The following NAV2 variants were observed in gnomAD, a reference collection of about 807,000 sequenced individuals.
NAV2 encodes the protein neuron navigator 2.
In NAV2, 54 loss-of-function variants were observed where a neutral mutation model predicts 223.2. The observed-to-expected ratio is 0.24, with a 90% CI of 0.19 to 0.30. NAV2 has a LOEUF of 0.30. Ranked by LOEUF, NAV2 falls within the 10% of genes least tolerant of loss-of-function variation. NAV2 has a pLI of 1.00. For missense variants in NAV2, 2,806 were observed against 3,147.5 expected (o/e 0.89, Z 2.60); for synonymous variants, 1,279 against 1,239.3 (o/e 1.03, Z -0.67).
chr11:19,651,285 A>T (rs78247170), intron 1 of NAV2, among the ~76,000 whole-genome samples: 4 of 152,236 alleles, frequency 2.6e-5, no homozygotes, highest in Admixed American at 2.6e-4. Context: ...CAAGGGTTCT[A>T]TAAGAGCAGA....
At chr11:19,439,962 T>C (rs1447736569) in intron 1 of NAV2, among the ~76,000 whole-genome samples, 2 of 152,180 alleles carry the variant, frequency 1.3e-5, no homozygotes, top group Non-Finnish European at 2.9e-5. Flanking sequence ...TAATTACAAG[T>C]ACAATTTTTA....
At chr11:20,102,172 G>C (rs922962942) in intron 32 of NAV2, among the ~76,000 whole-genome samples, 2 of 152,134 alleles carry the variant, frequency 1.3e-5, no homozygotes, top group Non-Finnish European at 2.9e-5. Context: ...GGCTCCGCAG[G>C]CATGGGGAGC....
intron 1 of NAV2, among the ~76,000 whole-genome samples, chr11:19,520,430 C>T (rs2043611342): frequency 6.6e-6 from 1 of 152,246 alleles, no homozygotes; most frequent in South Asian, 2.1e-4. Flanking sequence ...CCTGTGGGGC[C>T]CACCTGATTG....
intron 1 of NAV2, among the ~76,000 whole-genome samples, chr11:19,724,948 T>G (rs1382326558): frequency 6.6e-6 from 1 of 152,246 alleles, no homozygotes; most frequent in African/African-American, 2.4e-5. Flanking sequence ...GTTGTTGAAC[T>G]GCAGCTTGGA....
In NAV2 at chr11:19,948,931, C is replaced by G. The variant is rs1277119184; in HGVS notation, c.2496C>G (p.Ala832=). 2.5e-6 allele frequency: 4 copies of G among 1,614,164 alleles called. No individual in the cohort carries two copies. Among genetic ancestry groups the G allele is most frequent in the Non-Finnish European group, 3.4e-6 (4 of 1,180,024 alleles). ...CCGCCCCTCTGAGAAGGCAGCTGGC[C>G]TCCCGGGGCAGTAGTGTCTGCCATG... ...VYSAPLRRQL[A]SRGSSVCHVD... The change falls in exon 10 of 38, where the codon GCC becomes GCG. Residue 832 remains alanine (A), a synonymous_variant. Transcript: ENST00000349880.
At chr11:19,395,286 G>C (rs1645977846) in intron 1 of NAV2, among the ~76,000 whole-genome samples, 1 of 152,246 alleles carries the variant, frequency 6.6e-6, no homozygotes, top group Admixed American at 6.5e-5. Flanking sequence ...CCCTCATTGG[G>C]CCCACACATC....
At chr11:19,467,010 C>CACACACACACACAG (rs1564959991) in intron 1 of NAV2, among the ~76,000 whole-genome samples, 30 of 135,998 alleles carry the variant, frequency 2.2e-4, no homozygotes, top group African/African-American at 8.0e-4. Flanking sequence ...CACACACACA[C>CACACACACACACAG]ACACACACAG....
At chr11:19,794,671 T>C (rs2057772119) in intron 1 of NAV2, among the ~76,000 whole-genome samples, 1 of 152,176 alleles carries the variant, frequency 6.6e-6, no homozygotes, top group Admixed American at 6.6e-5. Flanking sequence ...TAATCTTTCC[T>C]GTTATGCCCT....
intron 1 of NAV2, among the ~76,000 whole-genome samples, chr11:19,761,541 A>G (rs1590356897): frequency 6.6e-6 from 1 of 152,198 alleles, no homozygotes; most frequent in African/African-American, 2.4e-5. Flanking sequence ...AATAGCCAAC[A>G]CAAAGGCTCC....
chr11:19,525,189 C>T (rs1315188976), intron 1 of NAV2, among the ~76,000 whole-genome samples: 1 of 152,184 alleles, frequency 6.6e-6, no homozygotes, highest in African/African-American at 2.4e-5. Flanking sequence ...CAACCTGTGT[C>T]ATTGACAGAT....
At chr11:20,046,269 G>A (rs1166319137) in intron 14 of NAV2, among the ~76,000 whole-genome samples, 2 of 151,664 alleles carry the variant, frequency 1.3e-5, no homozygotes, top group Non-Finnish European at 2.9e-5. Context: ...CCAGGAGGCG[G>A]AGGTTGCAGT....
intron 20 of NAV2, among the ~76,000 whole-genome samples, chr11:20,063,318 A>T (rs2058824452): frequency 6.6e-6 from 1 of 152,176 alleles, no homozygotes; most frequent in African/African-American, 2.4e-5. Context: ...ATACATTTAG[A>T]TCTTCAGTAC....
intron 3 of NAV2, among the ~76,000 whole-genome samples, chr11:19,853,556 G>T (rs1391523716): frequency 6.6e-6 from 1 of 152,142 alleles, no homozygotes; most frequent in Non-Finnish European, 1.5e-5. Context: ...TATTTTTTGT[G>T]TGGCCCTAGA....
chr11:19,388,764 G>A (rs1849138408), intron 1 of NAV2, among the ~76,000 whole-genome samples: 1 of 152,128 alleles, frequency 6.6e-6, no homozygotes, highest in African/African-American at 2.4e-5. Flanking sequence ...ATTCACGATA[G>A]CCATAGTTTA....
intron 7 of NAV2, among the ~76,000 whole-genome samples, chr11:19,937,072 A>T (rs2045968665): frequency 6.6e-6 from 1 of 152,162 alleles, no homozygotes; most frequent in Non-Finnish European, 1.5e-5. Context: ...TGGGAAGCGG[A>T]GGTTGCAGTG....
intron 4 of NAV2, among the ~76,000 whole-genome samples, chr11:19,873,032 G>A (rs2062622694): frequency 6.6e-6 from 1 of 152,208 alleles, no homozygotes; most frequent in South Asian, 2.1e-4. Flanking sequence ...TGTGAGGAAG[G>A]ATGGCCTTTA....
At chr11:19,914,309 C>T (rs921121848) in intron 6 of NAV2, among the ~76,000 whole-genome samples, 3 of 152,128 alleles carry the variant, frequency 2.0e-5, no homozygotes, top group African/African-American at 7.2e-5. Flanking sequence ...ACATTACTGT[C>T]GGTCACTATT....
chr11:20,097,322 G>A (rs1366575689), intron 30 of NAV2, among the ~76,000 whole-genome samples: 3 of 152,104 alleles, frequency 2.0e-5, no homozygotes, highest in East Asian at 1.9e-4. Context: ...CAGACTAAAC[G>A]TTCACAACCT....
chr11:19,401,570 T>C (rs2729910), intron 1 of NAV2, among the ~76,000 whole-genome samples: 106,633 of 152,132 alleles, frequency 0.7, 38,186 homozygotes, highest in Non-Finnish European at 0.77. Flanking sequence ...TACAGAACGA[T>C]GCAGTTGAAG....
Sources: allele counts gnomAD v4.1 joint callset (sites outside exome capture counted in the v4.1 genomes callset), GRCh38; gene constraint gnomAD v4.1.1; transcripts MANE v1.5; gene names NCBI Gene and HGNC (gene_info 2026-07-23, HGNC 2026-07-21).